NFASC: variants seen among roughly 807,000 people sequenced by gnomAD.
NFASC encodes neurofascin.
Under a neutral mutation model 147.5 loss-of-function variants are expected in NFASC, and 43 were observed. The ratio of observed to expected loss-of-function variants is 0.29; its 90% CI spans 0.23 to 0.38. NFASC has a LOEUF of 0.38. NFASC is among the 10% of genes least tolerant of loss of function. The probability of loss-of-function intolerance (pLI) is 1.00; values close to 1 mark genes in which losing one functional copy is unlikely to be tolerated. For synonymous variants in NFASC, 622 were observed against 665.5 expected (o/e 0.93, Z 1.01); for missense variants, 1,320 against 1,689.0 (o/e 0.78, Z 3.83).
chr1:204,926,793 G>T (rs139385971), intron 2 of NFASC, among the ~76,000 whole-genome samples: 1 of 151,798 alleles, frequency 6.6e-6, no homozygotes, highest in Non-Finnish European at 1.5e-5. Context: ...TAGAATTCAG[G>T]CTGGGCACAG....
chr1:205,021,839 T>C lies in NFASC; in HGVS notation c.*5300T>C, dbSNP rs536143413. 51 of 152,964 alleles carry C rather than the reference T, an allele frequency of 3.3e-4. 1 individual carries two copies. Among genetic ancestry groups the C allele is most frequent in the Non-Finnish European group, 5.0e-4 (34 of 68,052 alleles). The allele number at this position is 152,964 out of a possible 1,614,324, so 9.5% of individuals were successfully genotyped here. On this transcript the variant is annotated 3_prime_UTR_variant, in exon 30 of 30. Transcript: ENST00000339876. ...AGCCTGTGTGTGGTTCACCCAGTCA[T>C]GCAATTAAGGGCAGATCTGGGCCAG...
At chr1:204,883,016 G>A (rs1442648052) in intron 1 of NFASC, among the ~76,000 whole-genome samples, 4 of 151,906 alleles carry the variant, frequency 2.6e-5, no homozygotes, top group African/African-American at 7.3e-5. Flanking sequence ...TGGAGGCCAT[G>A]GATAAGGGCT....
At chr1:204,958,570 T>G (rs1423269694) in intron 8 of NFASC, among the ~76,000 whole-genome samples, 1 of 152,204 alleles carries the variant, frequency 6.6e-6, no homozygotes, top group Non-Finnish European at 1.5e-5. Flanking sequence ...CTAGAGCTTT[T>G]GCTGCAAAGT....
At chr1:204,965,038 G>A (rs1338092805) in intron 8 of NFASC, among the ~76,000 whole-genome samples, 2 of 152,196 alleles carry the variant, frequency 1.3e-5, no homozygotes, top group Non-Finnish European at 2.9e-5. Flanking sequence ...ACGAGAGCAG[G>A]AGAGGACTGA....
At chr1:204,870,723 G>C in intron 1 of NFASC, 5 of 1,133,018 alleles carry the variant, frequency 4.4e-6, no homozygotes, top group Non-Finnish European at 5.5e-6. Flanking sequence ...TAATAAACAA[G>C]TGTATTGTGT....
intron 2 of NFASC, among the ~76,000 whole-genome samples, chr1:204,941,445 C>T (rs2093356314): frequency 6.6e-6 from 1 of 152,126 alleles, no homozygotes; most frequent in Non-Finnish European, 1.5e-5. Flanking sequence ...TTCTGGCTTC[C>T]TAATTCTATC....
chr1:204,833,025 G>A (rs952597095), intron 1 of NFASC, among the ~76,000 whole-genome samples: 1 of 152,238 alleles, frequency 6.6e-6, no homozygotes, highest in Non-Finnish European at 1.5e-5. Flanking sequence ...GCAGAAGAGG[G>A]CCTGGGAGTT....
intron 1 of NFASC, among the ~76,000 whole-genome samples, chr1:204,865,037 G>T (rs1572178682): frequency 6.6e-6 from 1 of 152,258 alleles, no homozygotes; most frequent in Admixed American, 6.5e-5. Flanking sequence ...TTTACTTCTA[G>T]TTTTCTTCTA....
intron 3 of NFASC, among the ~76,000 whole-genome samples, 162 bp downstream of exon 3, chr1:204,944,568 A>G (rs557833888): frequency 6.6e-6 from 1 of 152,326 alleles, no homozygotes; most frequent in Admixed American, 6.5e-5. Flanking sequence ...CAAAGAATTG[A>G]CACAGGCTCA....
Position 204,996,931 on chromosome 1 carries a change from G to C in NFASC, c.2783-239G>C, listed in dbSNP as rs971540599. 2.0e-5 allele frequency among the ~76,000 whole-genome samples: 3 copies of C among 152,208 alleles called. No individual in the cohort carries two copies. In the South Asian group the frequency reaches 6.2e-4, roughly 32 times the overall value. ...TGGCTGGGTGCATGCTGGGTGTTTC[G>C]AGCCACGCAGACCATGAGAAGAAAA... is the stretch of plus-strand genomic sequence containing the variant. On this transcript the variant is annotated intron_variant, in intron 24 of 29. Coordinates refer to ENST00000339876, the MANE Select transcript of NFASC (RefSeq NM_001005388.3).
intron 27 of NFASC, among the ~76,000 whole-genome samples, chr1:205,004,638 TAC>T: frequency 6.6e-6 from 1 of 152,330 alleles, no homozygotes. Context: ...CCTTCAAAAA[TAC>T]ACATTCTCTT....
intron 1 of NFASC, among the ~76,000 whole-genome samples, chr1:204,906,248 AGG>A (rs1483988604): frequency 3.9e-5 from 6 of 152,200 alleles, no homozygotes; most frequent in Admixed American, 6.5e-5. Flanking sequence ...CACCCTTGCT[AGG>A]TGTATAGTCC....
At chr1:204,870,834 A>T in intron 1 of NFASC, 1 of 1,180,862 alleles carries the variant, frequency 8.5e-7, no homozygotes, top group Non-Finnish European at 1.1e-6. Context: ...TGGGGGTGAC[A>T]AGGAGCAGGG....
At chr1:204,998,137 C>G (rs540407080) in intron 25 of NFASC, 1 of 153,072 alleles carries the variant, frequency 6.5e-6, no homozygotes, top group Non-Finnish European at 1.5e-5. Flanking sequence ...CGCTGAGCCA[C>G]GAGAATGCAC....
rs899041661 is a variant in NFASC, at chr1:205,018,157, G to A, written c.*1618G>A. ...CCTCAGAGACAGAGAAGGAGAGGGG[G>A]AGATCTTGAGTCTAAGAGGAACCCT... is the stretch of plus-strand genomic sequence containing the variant. On this transcript the variant is annotated 3_prime_UTR_variant, in exon 30 of 30. Coordinates refer to ENST00000339876, the MANE Select transcript of NFASC (RefSeq NM_001005388.3). 1 of 152,658 alleles carries A rather than the reference G, an allele frequency of 6.6e-6. No homozygotes were observed. The highest frequency in any genetic ancestry group is 2.4e-5 in the African/African-American group (1 of 41,458). 9.5% of individuals were successfully genotyped at this position (152,658 alleles called of 1,614,324 possible).
intron 1 of NFASC, among the ~76,000 whole-genome samples, chr1:204,844,494 AAG>A (rs1197579387): frequency 6.6e-6 from 1 of 152,208 alleles, no homozygotes; most frequent in Non-Finnish European, 1.5e-5. Flanking sequence ...AGTGGAGACA[AAG>A]AGGCAGTTTT....
At chr1:205,013,001 C>G (rs1181088968) in intron 29 of NFASC, 135 bp downstream of exon 29, 1 of 681,794 alleles carries the variant, frequency 1.5e-6, no homozygotes, top group Non-Finnish European at 2.7e-6. Context: ...GTGACTCTGC[C>G]TCTCTGGTGG....
At chr1:205,006,359 A>C (rs1032347878) in intron 27 of NFASC, among the ~76,000 whole-genome samples, 1 of 152,230 alleles carries the variant, frequency 6.6e-6, no homozygotes, top group Non-Finnish European at 1.5e-5. Context: ...GGACCCAGGA[A>C]ATAGAACAAT....
rs530475586 is a variant in NFASC, at chr1:205,002,456, G to A, written c.3137-140G>A. ...AGGGAAGCTGCCTGGAAACCTCCTG[G>A]TCTGTATGGTGGACTGGACCCGCGG... On this transcript the variant is annotated intron_variant, in intron 26 of 29. Coordinates refer to ENST00000339876, the MANE Select transcript of NFASC (RefSeq NM_001005388.3). The A allele has an allele frequency of 2.5e-5, 14 of 560,022 alleles. No individual in the cohort carries two copies. In the East Asian group the frequency reaches 4.6e-4, roughly 19 times the overall value. 34.7% of individuals were successfully genotyped at this position (560,022 alleles called of 1,614,324 possible).
Sources: gnomAD v4.1 joint callset for allele counts (sites outside exome capture counted in the v4.1 genomes callset) on GRCh38, gnomAD v4.1.1 for gene constraint, MANE v1.5 for transcripts, NCBI Gene and HGNC (gene_info 2026-07-23, HGNC 2026-07-21) for gene names.